ATR: variants seen among roughly 807,000 people sequenced by gnomAD.
The protein encoded by ATR is ATR checkpoint kinase.
Under a neutral mutation model 305.3 loss-of-function variants are expected in ATR, and 142 were observed. That is an observed-to-expected ratio of 0.47 (90% CI 0.41 to 0.53). ATR has a LOEUF of 0.53. Among genes scored for constraint, ATR ranks in the 20% least tolerant of loss-of-function variants. The pLI is 0.00. For missense variants in ATR, 2,135 were observed against 3,133.1 expected, an observed-to-expected ratio of 0.68 and a Z score of 7.60; for synonymous variants, 1,050 against 1,068.1, an observed-to-expected ratio of 0.98 and a Z score of 0.33.
At chr3:142,490,207 C>T (rs762646536) in intron 35 of ATR, among the ~76,000 whole-genome samples, 24 of 152,156 alleles carry the variant, frequency 1.6e-4, no homozygotes, top group Admixed American at 3.3e-4. Flanking sequence ...TATAGGCATT[C>T]GTCACCATAC....
chr3:142,543,378 T>TCCTC (rs551261542), intron 16 of ATR, among the ~76,000 whole-genome samples: 2,561 of 146,896 alleles, frequency 0.017, 42 homozygotes, highest in East Asian at 0.069. Context: ...GTCCCTCTTT[T>TCCTC]CCTCCCTCCC....
At chr3:142,559,211 C>T (rs766913816) in intron 7 of ATR, 40 bp downstream of exon 7, 1 of 1,585,236 alleles carries the variant, frequency 6.3e-7, no homozygotes, top group Admixed American at 1.7e-5. Context: ...TACTGATTAT[C>T]TTTAAAGGTT....
At chr3:142,567,041 G>A (rs1373337958) in intron 2 of ATR, among the ~76,000 whole-genome samples, 1 of 152,140 alleles carries the variant, frequency 6.6e-6, no homozygotes, top group African/African-American at 2.4e-5. Context: ...ACCGTGCCCA[G>A]CCAACACTAC....
intron 35 of ATR, among the ~76,000 whole-genome samples, chr3:142,489,773 A>C (rs1013509605): frequency 1.1e-4 from 16 of 152,218 alleles, no homozygotes; most frequent in Non-Finnish European, 2.4e-4. Flanking sequence ...TTTGTGTACA[A>C]GTCTTTTTAT....
At chr3:142,569,391 A>G (rs890428304) in intron 1 of ATR, among the ~76,000 whole-genome samples, 1 of 151,718 alleles carries the variant, frequency 6.6e-6, no homozygotes, top group Admixed American at 6.6e-5. Flanking sequence ...TGCACCCATA[A>G]CTCACTGCAG....
intron 45 of ATR, among the ~76,000 whole-genome samples, chr3:142,456,777 A>G (rs1163029237): frequency 6.6e-6 from 1 of 152,218 alleles, no homozygotes; most frequent in Admixed American, 6.5e-5. Flanking sequence ...AAGGCAGACA[A>G]TAACCAGGAT....
intron 1 of ATR, among the ~76,000 whole-genome samples, chr3:142,573,720 C>T (rs2035349504): frequency 6.6e-6 from 1 of 152,132 alleles, no homozygotes; most frequent in East Asian, 1.9e-4. Context: ...AATGTGTAAT[C>T]GATATAAAAA....
chr3:142,578,713 T>G lies in ATR; in HGVS notation c.-9A>C, dbSNP rs370554740. 9 of 1,611,306 alleles carry G rather than the reference T, an allele frequency of 5.6e-6. No individual in the cohort carries two copies. Among genetic ancestry groups the G allele is most frequent in the Non-Finnish European group, 7.6e-6 (9 of 1,179,500 alleles). On this transcript the variant is annotated 5_prime_UTR_variant, in exon 1 of 47. Transcript: ENST00000350721. ...AGGCCATGTTCCCCCATGCTGAGGC[T>G]GCGAGGCACTAGTCAACCACGCCAA...
chr3:142,545,586 T>C (rs1285788289), intron 16 of ATR, among the ~76,000 whole-genome samples: 1 of 152,162 alleles, frequency 6.6e-6, no homozygotes, highest in African/African-American at 2.4e-5. Flanking sequence ...GGGAACGATA[T>C]GAGTTTGTAA....
intron 7 of ATR, chr3:142,558,985 T>G: frequency 1.6e-6 from 1 of 630,878 alleles, no homozygotes; most frequent in South Asian, 2.3e-5. Context: ...ATGCCTGTTT[T>G]AAAGAAGAAT....
chr3:142,524,344 G>C, intron 21 of ATR, 145 bp from the exon 22 acceptor site: 2 of 738,334 alleles, frequency 2.7e-6, no homozygotes, highest in Non-Finnish European at 4.4e-6. Flanking sequence ...TTTTCAGCTA[G>C]TTTTTGATGA....
intron 27 of ATR, among the ~76,000 whole-genome samples, chr3:142,511,962 G>A (rs1254234375): frequency 1.3e-5 from 2 of 151,336 alleles, no homozygotes; most frequent in African/African-American, 4.9e-5. Flanking sequence ...AAAAATACAC[G>A]AAAAAATTAG....
intron 36 of ATR, among the ~76,000 whole-genome samples, chr3:142,475,786 C>A (rs943585052): frequency 3.9e-5 from 6 of 152,146 alleles, no homozygotes; most frequent in African/African-American, 1.4e-4. Context: ...TAATGATCGC[C>A]ATTCTAACTG....
chr3:142,547,844 A>G lies in ATR; in HGVS notation c.3238T>C (p.Leu1080=), dbSNP rs778148931. Residue 1080 remains leucine (L), a synonymous_variant, in exon 16 of 47, where the codon TTG becomes CTG. Coordinates refer to ENST00000350721, the MANE Select transcript of ATR (RefSeq NM_001184.4). ...TGATAGTGTTCTCCAATACGCAGCA[A>G]TAATTCATTATGCAATCCTTGGAAA... ...QDFQGLHNEL[L]LRIGEHYQQV... is the part of the protein sequence containing the mutation. 5.0e-6 allele frequency: 8 copies of G among 1,614,016 alleles called. No individual in the cohort carries two copies. In the Admixed American group the frequency reaches 1.2e-4, roughly 24 times the overall value.
At chr3:142,460,529 C>A (rs978673638) in intron 42 of ATR, among the ~76,000 whole-genome samples, 1 of 151,970 alleles carries the variant, frequency 6.6e-6, no homozygotes, top group African/African-American at 2.4e-5. Context: ...CCACAGAACA[C>A]CAGAAGGTTA....
At chr3:142,451,610 C>T in intron 46 of ATR, 1 of 1,281,288 alleles carries the variant, frequency 7.8e-7, no homozygotes, top group Non-Finnish European at 1.0e-6. Flanking sequence ...CCAAGGGTCT[C>T]ACTCTGTTGC....
intron 16 of ATR, among the ~76,000 whole-genome samples, 168 bp downstream of exon 16, chr3:142,547,557 T>C (rs575227994): frequency 2.0e-5 from 3 of 152,350 alleles, no homozygotes; most frequent in East Asian, 1.9e-4. Context: ...CTTGTGCATG[T>C]GACCACGTGA....
intron 30 of ATR, among the ~76,000 whole-genome samples, chr3:142,502,469 T>C (rs1174191798): frequency 1.5e-5 from 1 of 65,092 alleles, no homozygotes; most frequent in African/African-American, 6.0e-5. Flanking sequence ...CTACAAGGGG[T>C]GGGGGAGGGA....
intron 16 of ATR, among the ~76,000 whole-genome samples, chr3:142,546,834 G>A (rs1015257494): frequency 1.3e-5 from 2 of 152,134 alleles, no homozygotes; most frequent in Non-Finnish European, 2.9e-5. Flanking sequence ...GACTGTTGGT[G>A]ATCCTGACAA....
Sources: allele counts gnomAD v4.1 joint callset (sites outside exome capture counted in the v4.1 genomes callset), GRCh38; gene constraint gnomAD v4.1.1; transcripts MANE v1.5; gene names NCBI Gene and HGNC (gene_info 2026-07-23, HGNC 2026-07-21).